Variants in GABRB1 observed in about 807,000 individuals in gnomAD.
GABRB1 encodes gamma-aminobutyric acid type A receptor subunit beta1, also known as gamma-aminobutyric acid receptor subunit beta-1.
GABRB1 carries 17 observed loss-of-function variants against 51.6 expected under a neutral mutation model. The ratio of observed to expected loss-of-function variants is 0.33; its 90% CI spans 0.23 to 0.49. GABRB1 has a LOEUF of 0.49. Ranked by LOEUF, GABRB1 falls within the 20% of genes least tolerant of loss-of-function variation. The pLI is 0.99. For synonymous variants in GABRB1, 247 were observed against 218.9 expected (o/e 1.13, Z -1.14); for missense variants, 410 against 600.6 (o/e 0.68, Z 3.32).
intron 5 of GABRB1, among the ~76,000 whole-genome samples, chr4:47,351,854 G>A (rs1726356417): frequency 6.6e-6 from 1 of 152,040 alleles, no homozygotes; most frequent in South Asian, 2.1e-4. Context: ...ATTGTGAATA[G>A]TGCCGCAATA....
intron 5 of GABRB1, among the ~76,000 whole-genome samples, chr4:47,330,216 G>A (rs1432852762): frequency 6.6e-6 from 1 of 152,124 alleles, no homozygotes; most frequent in Non-Finnish European, 1.5e-5. Context: ...CCCACGTTGT[G>A]GGGGGCAAGC....
chr4:47,087,199 C>T (rs1031891181), intron 3 of GABRB1, among the ~76,000 whole-genome samples: 2 of 152,168 alleles, frequency 1.3e-5, no homozygotes, highest in Non-Finnish European at 2.9e-5. Flanking sequence ...GCTAATGAGA[C>T]ATGCCCAGAC....
At chr4:47,081,304 C>G (rs1436847549) in intron 3 of GABRB1, among the ~76,000 whole-genome samples, 1 of 152,028 alleles carries the variant, frequency 6.6e-6, no homozygotes, top group Non-Finnish European at 1.5e-5. Context: ...ATTTAACATC[C>G]CAGAGCCTCA....
intron 4 of GABRB1, among the ~76,000 whole-genome samples, chr4:47,189,503 G>T (rs907382290): frequency 6.6e-6 from 1 of 151,706 alleles, no homozygotes. Flanking sequence ...TAAATGAAGA[G>T]ACTCAATTCT....
chr4:47,297,994 T>A (rs570954239), intron 4 of GABRB1, among the ~76,000 whole-genome samples: 30 of 152,264 alleles, frequency 2.0e-4, no homozygotes, highest in African/African-American at 6.5e-4. Context: ...AAAAACTACA[T>A]GATTATCTCA....
chr4:47,398,567 G>GAGAC (rs1728262449), intron 5 of GABRB1, among the ~76,000 whole-genome samples: 2 of 152,102 alleles, frequency 1.3e-5, no homozygotes, highest in African/African-American at 4.8e-5. Context: ...TAGAGAGAGA[G>GAGAC]AGAGAGAGAG....
At chr4:47,049,386 A>T (rs888505392) in intron 3 of GABRB1, among the ~76,000 whole-genome samples, 1 of 152,152 alleles carries the variant, frequency 6.6e-6, no homozygotes, top group Non-Finnish European at 1.5e-5. Flanking sequence ...TTGAGGGGAG[A>T]ATACAGAGGC....
intron 4 of GABRB1, among the ~76,000 whole-genome samples, chr4:47,272,238 GAGTTACTTCA>G (rs1424784676): frequency 2.0e-5 from 3 of 152,142 alleles, no homozygotes; most frequent in African/African-American, 7.2e-5. Flanking sequence ...AACAGAAGTT[GAGTTACTTCA>G]ACTATGTCTT....
At chr4:47,343,998 A>G (rs1725997493) in intron 5 of GABRB1, among the ~76,000 whole-genome samples, 1 of 152,174 alleles carries the variant, frequency 6.6e-6, no homozygotes, top group Non-Finnish European at 1.5e-5. Context: ...TCAGCTTCTT[A>G]GGGGCTGTTG....
At chr4:47,051,463 G>T (rs955506645) in intron 3 of GABRB1, among the ~76,000 whole-genome samples, 4 of 152,152 alleles carry the variant, frequency 2.6e-5, no homozygotes, top group African/African-American at 9.7e-5. Context: ...AGTAACAGAA[G>T]AACTTAAAAA....
At chr4:47,399,081 C>T (rs1307465769) in intron 5 of GABRB1, among the ~76,000 whole-genome samples, 7 of 152,250 alleles carry the variant, frequency 4.6e-5, no homozygotes, top group African/African-American at 1.7e-4. Context: ...TGAGCCACGG[C>T]ACCTGGCCCT....
upstream of GABRB1, among the ~76,000 whole-genome samples, chr4:47,027,164 G>A (rs985350272): frequency 9.2e-5 from 14 of 151,426 alleles, no homozygotes; most frequent in African/African-American, 2.7e-4. Flanking sequence ...AAGATAGAGC[G>A]TACATTTTGA....
intron 1 of GABRB1, among the ~76,000 whole-genome samples, chr4:47,009,831 C>T (rs2109438910): frequency 6.6e-6 from 1 of 152,292 alleles, no homozygotes; most frequent in South Asian, 2.1e-4. Flanking sequence ...GGTCTTCAGC[C>T]TGGAACGGAA....
intron 1 of GABRB1, among the ~76,000 whole-genome samples, chr4:47,015,209 T>A (rs957380525): frequency 1.3e-5 from 2 of 152,140 alleles, no homozygotes; most frequent in African/African-American, 4.8e-5. Flanking sequence ...TCTGGCCTAG[T>A]AGCCATATTT....
chr4:47,181,256 C>T (rs1035892386), intron 4 of GABRB1, among the ~76,000 whole-genome samples: 1 of 151,940 alleles, frequency 6.6e-6, no homozygotes, highest in Non-Finnish European at 1.5e-5. Flanking sequence ...ATTTCTTCAA[C>T]TTAATGTTTG....
intron 4 of GABRB1, among the ~76,000 whole-genome samples, chr4:47,244,097 C>T (rs1721647824): frequency 1.3e-5 from 2 of 152,028 alleles, no homozygotes; most frequent in Non-Finnish European, 2.9e-5. Flanking sequence ...GCATGAAGGG[C>T]TGTTGAATTT....
intron 5 of GABRB1, among the ~76,000 whole-genome samples, chr4:47,369,859 A>G (rs1479118464): frequency 6.6e-6 from 1 of 152,232 alleles, no homozygotes; most frequent in Non-Finnish European, 1.5e-5. Flanking sequence ...CATACTTTTC[A>G]TAATTTCAAG....
At chr4:47,191,163 C>G (rs895059078) in intron 4 of GABRB1, among the ~76,000 whole-genome samples, 4 of 152,076 alleles carry the variant, frequency 2.6e-5, no homozygotes, top group Non-Finnish European at 4.4e-5. Context: ...AGTCACTAAA[C>G]CAATGTTAAG....
chr4:47,107,490 G>A (rs1306353389), intron 3 of GABRB1, among the ~76,000 whole-genome samples: 1 of 151,792 alleles, frequency 6.6e-6, no homozygotes, highest in African/African-American at 2.4e-5. Context: ...TTTGCATTGG[G>A]TATCATTGTT....
Sources: gnomAD v4.1 joint callset for allele counts (sites outside exome capture counted in the v4.1 genomes callset) on GRCh38, gnomAD v4.1.1 for gene constraint, MANE v1.5 for transcripts, NCBI Gene and HGNC (gene_info 2026-07-23, HGNC 2026-07-21) for gene names.